The following APBB1IP variants were observed in gnomAD, a reference collection of about 807,000 sequenced individuals.
APBB1IP encodes amyloid beta precursor protein binding family B member 1 interacting protein.
A neutral mutation model predicts 64.9 loss-of-function variants in APBB1IP; 27 were observed. The ratio of observed to expected loss-of-function variants is 0.42; its 90% CI spans 0.31 to 0.57. The LOEUF (loss-of-function observed/expected upper bound fraction) is 0.57, where lower values mean the gene tolerates loss of function less well. Ranked by LOEUF, APBB1IP falls within the 20% of genes least tolerant of loss-of-function variation. The pLI, the probability that APBB1IP is intolerant of heterozygous loss-of-function variation, is 0.20. For synonymous variants in APBB1IP, 392 were observed against 331.0 expected (o/e 1.18, Z -2.00); for missense variants, 812 against 845.5 (o/e 0.96, Z 0.49).
rs141204019 is a variant in APBB1IP, at chr10:26,443,266, A to G, written c.-1+4413A>G. 7.0e-3 allele frequency among the ~76,000 whole-genome samples: 1,067 copies of G among 152,098 alleles called. 10 individuals carry two copies. The highest frequency in any genetic ancestry group is 0.025 in the African/African-American group (1,028 of 41,504). On this transcript the variant is annotated intron_variant, in intron 2 of 14. Transcript: ENST00000376236. The stretch of plus-strand genomic sequence containing the variant: ...GTGAAACACTGTCTTTACTAAAAAT[A>G]CAAAAAAATTAGCCTGGCATGGTGG...
chr10:26,481,383 A>C (rs1301874541), intron 2 of APBB1IP, among the ~76,000 whole-genome samples: 1 of 152,180 alleles, frequency 6.6e-6, no homozygotes, highest in Non-Finnish European at 1.5e-5. Context: ...TATGCAAAAC[A>C]TAAATTTTTC....
intron 11 of APBB1IP, among the ~76,000 whole-genome samples, chr10:26,550,678 C>G (rs923362356): frequency 6.6e-6 from 1 of 152,062 alleles, no homozygotes; most frequent in African/African-American, 2.4e-5. Context: ...TTGAAGTTTG[C>G]TGAGTTTTGT....
At chr10:26,473,454 C>T (rs937348188) in intron 2 of APBB1IP, among the ~76,000 whole-genome samples, 1 of 152,194 alleles carries the variant, frequency 6.6e-6, no homozygotes, top group Non-Finnish European at 1.5e-5. Flanking sequence ...TGCATTTCAG[C>T]GCTGTCTCAT....
chr10:26,528,950 A>G (rs1836514080), intron 8 of APBB1IP, among the ~76,000 whole-genome samples: 1 of 152,204 alleles, frequency 6.6e-6, no homozygotes, highest in Non-Finnish European at 1.5e-5. Context: ...CAAAGAAAGA[A>G]CAGGGATGTT....
intron 3 of APBB1IP, among the ~76,000 whole-genome samples, chr10:26,495,109 G>A (rs962392802): frequency 5.3e-5 from 8 of 151,500 alleles, no homozygotes; most frequent in Non-Finnish European, 1.0e-4. Context: ...CCAGGTTCAA[G>A]CGATTCTCCT....
chr10:26,550,066 A>G (rs1377481828), intron 11 of APBB1IP, among the ~76,000 whole-genome samples: 3 of 151,374 alleles, frequency 2.0e-5, no homozygotes, highest in African/African-American at 7.3e-5. Context: ...CATCACTCTG[A>G]ATATATTGTC....
At chr10:26,557,102 A>G (rs1007486512) in intron 11 of APBB1IP, among the ~76,000 whole-genome samples, 11 of 152,330 alleles carry the variant, frequency 7.2e-5, no homozygotes, top group Non-Finnish European at 1.3e-4. Flanking sequence ...GGGCCATATT[A>G]CCTGAGTTGA....
At chr10:26,552,079 G>C (rs1304578058) in intron 11 of APBB1IP, among the ~76,000 whole-genome samples, 1 of 152,128 alleles carries the variant, frequency 6.6e-6, no homozygotes, top group Admixed American at 6.5e-5. Context: ...CAGAAGGATC[G>C]CTTGAGCCCA....
At chr10:26,562,761 C>A (rs1206576115) in intron 14 of APBB1IP, among the ~76,000 whole-genome samples, 3 of 152,104 alleles carry the variant, frequency 2.0e-5, no homozygotes, top group African/African-American at 7.2e-5. Flanking sequence ...TGCGCCACTG[C>A]ATTCCAGCCT....
chr10:26,492,850 G>A (rs1835973740), intron 3 of APBB1IP, among the ~76,000 whole-genome samples: 1 of 152,174 alleles, frequency 6.6e-6, no homozygotes, highest in African/African-American at 2.4e-5. Context: ...TGCACGCATT[G>A]TCATTGGTAA....
intron 8 of APBB1IP, among the ~76,000 whole-genome samples, chr10:26,519,323 C>T (rs191896363): frequency 6.6e-6 from 1 of 152,090 alleles, no homozygotes; most frequent in African/African-American, 2.4e-5. Flanking sequence ...GTTTAATGGG[C>T]TCATGGTTCT....
At chr10:26,555,708 C>T (rs1836886756) in intron 11 of APBB1IP, among the ~76,000 whole-genome samples, 1 of 152,186 alleles carries the variant, frequency 6.6e-6, no homozygotes, top group Non-Finnish European at 1.5e-5. Flanking sequence ...CATCTATCCT[C>T]CCACTTCAGC....
intron 11 of APBB1IP, among the ~76,000 whole-genome samples, chr10:26,547,165 T>A (rs575322950): frequency 6.5e-4 from 99 of 152,376 alleles, no homozygotes; most frequent in African/African-American, 2.3e-3. Flanking sequence ...AAGCATTTTT[T>A]AAATTCCTAT....
intron 4 of APBB1IP, among the ~76,000 whole-genome samples, chr10:26,500,542 A>G (rs923748496): frequency 6.6e-6 from 1 of 152,148 alleles, no homozygotes; most frequent in African/African-American, 2.4e-5. Flanking sequence ...TATAGCTGGT[A>G]TGTCAGGTGC....
chr10:26,471,542 A>G (rs1835715106), intron 2 of APBB1IP, among the ~76,000 whole-genome samples: 1 of 152,182 alleles, frequency 6.6e-6, no homozygotes, highest in Non-Finnish European at 1.5e-5. Flanking sequence ...ATGGTAGCTC[A>G]GATTCTTCTG....
At chr10:26,483,741 C>A (rs1023698975) in intron 2 of APBB1IP, among the ~76,000 whole-genome samples, 7 of 152,170 alleles carry the variant, frequency 4.6e-5, no homozygotes, top group African/African-American at 1.4e-4. Flanking sequence ...GAGTCAGGGT[C>A]TTGCTCTTTT....
At chr10:26,441,665 A>G (rs1298791289) in intron 2 of APBB1IP, among the ~76,000 whole-genome samples, 1 of 152,192 alleles carries the variant, frequency 6.6e-6, no homozygotes, top group Non-Finnish European at 1.5e-5. Flanking sequence ...CTCAGGCATG[A>G]GCAAGCAGAG....
Position 26,562,575 on chromosome 10 carries a change from G to A in APBB1IP, c.1473+146G>A, listed in dbSNP as rs923729730. The A allele has an allele frequency of 1.1e-5, 7 of 612,818 alleles. No individual in the cohort carries two copies. In the African/African-American group the frequency reaches 1.3e-4, roughly 11 times the overall value. The allele number at this position is 612,818 out of a possible 1,614,324, so 38.0% of individuals were successfully genotyped here. ...AGAACTTTGGGAGGCTGAGGCAGGA[G>A]GATCACTTGAGCTTCAGTTTGAGAC... On this transcript the variant is annotated intron_variant, in intron 14 of 14. Coordinates refer to ENST00000376236, the MANE Select transcript of APBB1IP (RefSeq NM_019043.4).
chr10:26,485,894 A>T (rs940009335), intron 2 of APBB1IP, among the ~76,000 whole-genome samples: 8 of 152,122 alleles, frequency 5.3e-5, no homozygotes, highest in African/African-American at 1.4e-4. Flanking sequence ...AATAGCATAT[A>T]CAAAGACAAA....
Sources: allele counts gnomAD v4.1 joint callset (sites outside exome capture counted in the v4.1 genomes callset), GRCh38; gene constraint gnomAD v4.1.1; transcripts MANE v1.5; gene names NCBI Gene and HGNC (gene_info 2026-07-23, HGNC 2026-07-21).